The following PLPPR1 variants were observed in gnomAD, a reference collection of about 807,000 sequenced individuals.
The protein encoded by PLPPR1 is phospholipid phosphatase-related protein type 1.
Under a neutral mutation model 33.1 loss-of-function variants are expected in PLPPR1, and 10 were observed. The ratio of observed to expected loss-of-function variants is 0.30; its 90% CI spans 0.19 to 0.51. PLPPR1 has a LOEUF of 0.51. Among genes scored for constraint, PLPPR1 ranks in the 20% least tolerant of loss-of-function variants. PLPPR1 has a pLI of 0.97. For missense variants in PLPPR1, 304 were observed against 408.1 expected, an observed-to-expected ratio of 0.74 and a Z score of 2.20; for synonymous variants, 151 against 151.0, an observed-to-expected ratio of 1.00 and a Z score of 0.00.
intron 1 of PLPPR1, among the ~76,000 whole-genome samples, chr9:101,137,827 G>T (rs1831395804): frequency 6.6e-6 from 1 of 152,210 alleles, no homozygotes; most frequent in South Asian, 2.1e-4. Context: ...ATCCATGCCT[G>T]ATTTGATTCC....
intron 2 of PLPPR1, 60 bp from the exon 3 acceptor site, chr9:101,269,820 G>A: frequency 6.5e-7 from 1 of 1,540,204 alleles, no homozygotes; most frequent in Non-Finnish European, 9.0e-7. Flanking sequence ...TGTGCTCTGA[G>A]GGGCAAGGGC....
intron 1 of PLPPR1, among the ~76,000 whole-genome samples, chr9:101,177,113 A>T (rs1464282315): frequency 2.0e-5 from 3 of 152,150 alleles, no homozygotes; most frequent in African/African-American, 7.2e-5. Flanking sequence ...TCCTTTTTCC[A>T]TGGGAATTTT....
intron 4 of PLPPR1, among the ~76,000 whole-genome samples, chr9:101,297,075 C>G (rs555731434): frequency 6.6e-6 from 1 of 152,238 alleles, no homozygotes; most frequent in Admixed American, 6.5e-5. Flanking sequence ...AAGGGAAACA[C>G]ACTAAAAATT....
intron 3 of PLPPR1, among the ~76,000 whole-genome samples, chr9:101,282,030 T>TAA (rs1410085213): frequency 1.3e-5 from 2 of 152,088 alleles, no homozygotes; most frequent in Non-Finnish European, 2.9e-5. Flanking sequence ...TCTAACTCTC[T>TAA]CCCAAAAAAA....
chr9:101,194,340 A>G (rs1294486158), intron 2 of PLPPR1, among the ~76,000 whole-genome samples: 1 of 152,236 alleles, frequency 6.6e-6, no homozygotes, highest in African/African-American at 2.4e-5. Context: ...CCTTCCATAC[A>G]GGGTCTTGTC....
chr9:101,308,274 A>G (rs1450077548), intron 4 of PLPPR1, among the ~76,000 whole-genome samples: 1 of 152,210 alleles, frequency 6.6e-6, no homozygotes, highest in Non-Finnish European at 1.5e-5. Context: ...GTCAGAGGAG[A>G]TACAACAGTG....
chr9:101,138,678 G>A (rs2118627150), intron 1 of PLPPR1, among the ~76,000 whole-genome samples: 1 of 152,240 alleles, frequency 6.6e-6, no homozygotes, highest in African/African-American at 2.4e-5. Context: ...TTAGCACCAG[G>A]CACTCTGATA....
intron 2 of PLPPR1, among the ~76,000 whole-genome samples, chr9:101,215,756 C>A (rs112454453): frequency 1.4e-4 from 21 of 152,206 alleles, no homozygotes; most frequent in African/African-American, 5.1e-4. Context: ...TCTTTCTGTG[C>A]CTGGCTTATT....
chr9:101,189,014 G>T (rs1406593706), intron 2 of PLPPR1, among the ~76,000 whole-genome samples: 1 of 152,006 alleles, frequency 6.6e-6, no homozygotes, highest in African/African-American at 2.4e-5. Context: ...TTCAGCAAGA[G>T]TCTAGTACTG....
At chr9:101,227,832 AG>A (rs1310789629) in intron 2 of PLPPR1, among the ~76,000 whole-genome samples, 1 of 152,166 alleles carries the variant, frequency 6.6e-6, no homozygotes, top group East Asian at 1.9e-4. Context: ...GCTGGAGTGC[AG>A]TGGTGTGATC....
chr9:101,185,705 CA>C, intron 2 of PLPPR1, 148 bp downstream of exon 2: 1 of 555,336 alleles, frequency 1.8e-6, no homozygotes, highest in Non-Finnish European at 3.1e-6. Context: ...ATAAACTATG[CA>C]AAGTGTTTCT....
intron 1 of PLPPR1, among the ~76,000 whole-genome samples, chr9:101,093,743 G>A (rs952002071): frequency 6.6e-6 from 1 of 152,168 alleles, no homozygotes; most frequent in African/African-American, 2.4e-5. Context: ...CTTTTCACTA[G>A]ATCAGCCTTG....
intron 2 of PLPPR1, among the ~76,000 whole-genome samples, chr9:101,198,084 T>TAAAAG (rs1826430374): frequency 8.6e-6 from 1 of 115,962 alleles, no homozygotes; most frequent in East Asian, 3.9e-4. Context: ...TTTAGATTAA[T>TAAAAG]AAATTGTTCA....
chr9:101,219,787 A>G (rs1826888945), intron 2 of PLPPR1, among the ~76,000 whole-genome samples: 1 of 152,166 alleles, frequency 6.6e-6, no homozygotes, highest in Admixed American at 6.5e-5. Flanking sequence ...CACACTTTCT[A>G]GAGCTCCCTA....
At chr9:101,180,143 T>C (rs2987731) in intron 1 of PLPPR1, among the ~76,000 whole-genome samples, 3,593 of 36,198 alleles carry the variant, frequency 0.099, 161 homozygotes, top group East Asian at 0.21. Flanking sequence ...TATATATATA[T>C]ACACACACAC....
At chr9:101,218,374 C>T (rs1346406993) in intron 2 of PLPPR1, among the ~76,000 whole-genome samples, 1 of 152,118 alleles carries the variant, frequency 6.6e-6, no homozygotes, top group Non-Finnish European at 1.5e-5. Flanking sequence ...AATCAGAATA[C>T]AGTCTTTGAG....
intron 1 of PLPPR1, among the ~76,000 whole-genome samples, chr9:101,110,809 C>T (rs1233046063): frequency 2.6e-5 from 4 of 152,060 alleles, no homozygotes; most frequent in African/African-American, 4.8e-5. Context: ...TCATGTGTTA[C>T]TTCTATAATT....
chr9:101,200,646 G>T (rs1253105758), intron 2 of PLPPR1, among the ~76,000 whole-genome samples: 1 of 152,108 alleles, frequency 6.6e-6, no homozygotes, highest in East Asian at 1.9e-4. Flanking sequence ...CATGTTGTAT[G>T]CCATTATTTC....
intron 1 of PLPPR1, among the ~76,000 whole-genome samples, chr9:101,121,967 G>A (rs182465065): frequency 1.3e-4 from 20 of 152,268 alleles, no homozygotes; most frequent in African/African-American, 3.8e-4. Flanking sequence ...AGAACAAAAA[G>A]GCCAGTGCCA....
Sources: allele counts gnomAD v4.1 joint callset (sites outside exome capture counted in the v4.1 genomes callset), GRCh38; gene constraint gnomAD v4.1.1; transcripts MANE v1.5; gene names NCBI Gene and HGNC (gene_info 2026-07-23, HGNC 2026-07-21).